The following CACNA2D4 variants were observed in gnomAD, a reference collection of about 807,000 sequenced individuals.
The protein encoded by CACNA2D4 is calcium voltage-gated channel auxiliary subunit alpha2delta 4.
Under a neutral mutation model 163.8 loss-of-function variants are expected in CACNA2D4, and 157 were observed. That is an observed-to-expected ratio of 0.96 (90% CI 0.84 to 1.09). The LOEUF is 1.09. CACNA2D4 is among the 50% of genes least tolerant of loss of function. The pLI is 0.00. For synonymous variants in CACNA2D4, 598 were observed against 586.9 expected, an observed-to-expected ratio of 1.02 and a Z score of -0.27; for missense variants, 1,410 against 1,479.9, an observed-to-expected ratio of 0.95 and a Z score of 0.78.
Position 1,858,636 on chromosome 12 carries a change from AC to A in CACNA2D4, c.1948del (p.Val650TrpfsTer53). 2.5e-6 allele frequency: 4 copies of A among 1,597,820 alleles called. No homozygotes were observed. Among genetic ancestry groups the A allele is most frequent in the Admixed American group, 1.7e-5 (1 of 57,754 alleles). On this transcript the variant is annotated frameshift_variant, in exon 20 of 38. Transcript: ENST00000382722. LOFTEE classifies it high-confidence loss of function. ...DISDTPFSLG[V>X]VLSRGHGEYI... ...TTCTCCGTGGCCCCGGGACAGCACC[AC>A]CCCCAAACTGTGGGGAGAGAAGAGA...
intron 23 of CACNA2D4, among the ~76,000 whole-genome samples, chr12:1,847,191 T>C (rs1865165420): frequency 6.6e-6 from 1 of 152,162 alleles, no homozygotes; most frequent in Non-Finnish European, 1.5e-5. Flanking sequence ...AACCTTGCCG[T>C]TGAGACTTGA....
intron 31 of CACNA2D4, 157 bp from the exon 32 acceptor site, chr12:1,800,595 CA>C (rs1863282367): frequency 2.9e-6 from 2 of 686,672 alleles, no homozygotes; most frequent in South Asian, 1.8e-5. Context: ...CAGCACCCCC[CA>C]TCCCCCCACC....
chr12:1,862,769 C>T (rs546254177), intron 18 of CACNA2D4, among the ~76,000 whole-genome samples: 115 of 152,314 alleles, frequency 7.6e-4, no homozygotes, highest in Non-Finnish European at 1.5e-3. Flanking sequence ...CATCCTTGCA[C>T]AGCTTCCTTT....
rs554762160 is a variant in CACNA2D4 at position 1,798,944 on chromosome 12, G to C, written c.2995+731C>G. Among the ~76,000 whole-genome samples, 1 of 152,316 alleles carries C rather than the reference G, an allele frequency of 6.6e-6. No individual in the cohort carries two copies. Among genetic ancestry groups the C allele is most frequent in the South Asian group, 2.1e-4 (1 of 4,828 alleles). On this transcript the variant is annotated intron_variant, in intron 34 of 37. Coordinates refer to ENST00000382722, the MANE Select transcript of CACNA2D4 (RefSeq NM_172364.5). This position sits in a 1 kb window ranked among gnomAD's most constrained non-coding sequence, Gnocchi z 4.3. ...AGGGGCAGAGGAAGCCCCAAGCCAAGGCCAGCAGAAGAGAACGAAGAGCAA... is the reference window on the plus strand; with the variant it reads ...AGGGGCAGAGGAAGCCCCAAGCCAACGCCAGCAGAAGAGAACGAAGAGCAA...
intron 3 of CACNA2D4, among the ~76,000 whole-genome samples, chr12:1,910,911 T>C (rs1396993181): frequency 6.6e-6 from 1 of 152,182 alleles, no homozygotes; most frequent in Admixed American, 6.5e-5. Flanking sequence ...GAAAAAGTTT[T>C]GGAACTAGAT....
At chr12:1,871,602 A>G (rs576162679) in intron 18 of CACNA2D4, among the ~76,000 whole-genome samples, 1 of 145,578 alleles carries the variant, frequency 6.9e-6, no homozygotes, top group African/African-American at 2.6e-5. Context: ...GTGTGTACAC[A>G]TGTATGCCGC....
intron 29 of CACNA2D4, among the ~76,000 whole-genome samples, chr12:1,809,956 G>A (rs1863651956): frequency 6.6e-6 from 1 of 152,218 alleles, no homozygotes; most frequent in Admixed American, 6.5e-5. Context: ...GTGAGGCTGG[G>A]CCAGTGTGGC....
At chr12:1,796,801 G>A (rs1056715891) in intron 35 of CACNA2D4, among the ~76,000 whole-genome samples, 4 of 152,202 alleles carry the variant, frequency 2.6e-5, no homozygotes, top group Non-Finnish European at 5.9e-5. Flanking sequence ...CCCAGCGTGG[G>A]GGTCCTCCCG....
intron 23 of CACNA2D4, among the ~76,000 whole-genome samples, chr12:1,847,128 G>T (rs1409986981): frequency 2.0e-5 from 3 of 152,192 alleles, no homozygotes; most frequent in Non-Finnish European, 4.4e-5. Flanking sequence ...CGTGAAGGGA[G>T]GGGGAGCAGG....
At chr12:1,902,049 T>C (rs774824921) in intron 6 of CACNA2D4, among the ~76,000 whole-genome samples, 81 of 152,070 alleles carry the variant, frequency 5.3e-4, no homozygotes, top group Non-Finnish European at 1.1e-3. Flanking sequence ...CATGCAAAGA[T>C]GTTTCAACAA....
chr12:1,818,736 C>T (rs1426338522), intron 26 of CACNA2D4, among the ~76,000 whole-genome samples: 5 of 145,022 alleles, frequency 3.4e-5, no homozygotes, highest in Admixed American at 1.4e-4. Context: ...TGCCAAATCC[C>T]CCTCTGCGAG....
chr12:1,824,457 CA>C (rs1416506036), intron 26 of CACNA2D4, among the ~76,000 whole-genome samples: 1 of 152,216 alleles, frequency 6.6e-6, no homozygotes, highest in Non-Finnish European at 1.5e-5. Flanking sequence ...TCTTCAGCCC[CA>C]TTCTCCAATC....
At chr12:1,868,301 T>G (rs891273576) in intron 18 of CACNA2D4, among the ~76,000 whole-genome samples, 3 of 152,264 alleles carry the variant, frequency 2.0e-5, no homozygotes, top group Admixed American at 1.3e-4. Flanking sequence ...ATTCTGCCAT[T>G]TGCTACAACA....
Position 1,828,253 on chromosome 12 carries a change from G to C in CACNA2D4, c.2551+12486C>G. The stretch of plus-strand genomic sequence containing the variant: ...CTGGCCTCGGAGGGGGGTGCGGGTT[G>C]GGTGGGGGTGCCGAGGTGACTGTAG... On this transcript the variant is annotated intron_variant, in intron 26 of 37. Transcript: ENST00000382722. This position sits in a 1 kb window ranked among gnomAD's most constrained non-coding sequence, Gnocchi z 4.2. 1.3e-6 allele frequency: 2 copies of C among 1,511,268 alleles called. No individual in the cohort carries two copies. The highest frequency in any genetic ancestry group is 1.8e-6 in the Non-Finnish European group (2 of 1,123,614). 93.6% of individuals were successfully genotyped at this position (1,511,268 alleles called of 1,614,324 possible).
intron 26 of CACNA2D4, among the ~76,000 whole-genome samples, chr12:1,814,200 T>TC (rs770933426): frequency 2.6e-5 from 4 of 152,102 alleles, no homozygotes; most frequent in Non-Finnish European, 5.9e-5. Flanking sequence ...TCGCATAGAA[T>TC]CATGAGATTT....
At chr12:1,824,557 C>T (rs1320901497) in intron 26 of CACNA2D4, among the ~76,000 whole-genome samples, 1 of 152,222 alleles carries the variant, frequency 6.6e-6, no homozygotes, top group Non-Finnish European at 1.5e-5. Context: ...GGGTTAGGAG[C>T]AGGCCCAGCA....
chr12:1,852,798 G>A lies in CACNA2D4; in HGVS notation c.2246+1153C>T, dbSNP rs555734018. ...CACAACAGTGCAGGGTTTAAGAGTCGGGGCGCAGGAGTGAGGCTGCCTGCT... is the reference window on the plus strand; with the variant it reads ...CACAACAGTGCAGGGTTTAAGAGTCAGGGCGCAGGAGTGAGGCTGCCTGCT... On this transcript the variant is annotated intron_variant, in intron 23 of 37. Coordinates refer to ENST00000382722, the MANE Select transcript of CACNA2D4 (RefSeq NM_172364.5). Among the ~76,000 whole-genome samples the A allele has an allele frequency of 3.9e-5, 6 of 152,256 alleles. No individual in the cohort carries two copies. In the East Asian group the frequency reaches 7.7e-4, roughly 20 times the overall value.
intron 6 of CACNA2D4, among the ~76,000 whole-genome samples, chr12:1,901,778 A>G (rs2470428): frequency 0.92 from 139,394 of 152,148 alleles, 64,038 homozygotes; most frequent in East Asian, 1. Flanking sequence ...AAAAAGAACT[A>G]AAACTGATAC....
intron 4 of CACNA2D4, 117 bp downstream of exon 4, chr12:1,909,789 A>T: frequency 1.2e-6 from 1 of 804,010 alleles, no homozygotes. Flanking sequence ...GGTGAGCAGT[A>T]AATGTCTATG....
Sources: gnomAD v4.1 joint callset for allele counts (sites outside exome capture counted in the v4.1 genomes callset) on GRCh38, gnomAD v4.1.1 for gene constraint, Gnocchi (gnomAD v3.1) non-coding constraint, MANE v1.5 for transcripts, NCBI Gene and HGNC (gene_info 2026-07-23, HGNC 2026-07-21) for gene names.